The following RAPGEF2 variants were observed in gnomAD, a reference collection of about 807,000 sequenced individuals.
The protein encoded by RAPGEF2 is PDZ domain containing guanine nucleotide exchange factor (GEF) 1.
Under a neutral mutation model 186.7 loss-of-function variants are expected in RAPGEF2, and 54 were observed. The ratio of observed to expected loss-of-function variants is 0.29; its 90% confidence interval spans 0.23 to 0.36. RAPGEF2 has a LOEUF of 0.36. RAPGEF2 is among the 10% of genes least tolerant of loss of function. The pLI is 1.00. For missense variants in RAPGEF2, 1,532 were observed against 2,045.0 expected (o/e 0.75, Z 4.84); for synonymous variants, 712 against 705.9 (o/e 1.01, Z -0.14).
intron 3 of RAPGEF2, among the ~76,000 whole-genome samples, chr4:159,208,756 T>TA (rs907604078): frequency 7.9e-5 from 12 of 152,266 alleles, no homozygotes; most frequent in African/African-American, 2.9e-4. Flanking sequence ...TAAAATAACT[T>TA]ATTCATGGCA....
At chr4:159,337,445 G>A (rs114927349) in intron 17 of RAPGEF2, among the ~76,000 whole-genome samples, 2,330 of 152,184 alleles carry the variant, frequency 0.015, 68 homozygotes, top group African/African-American at 0.053. Context: ...TCATTCTGAT[G>A]CAGAACTATC....
At position 159,359,913 on chromosome 4, in the gene RAPGEF2, G is replaced by T. The variant is rs1339166796; in HGVS notation, c.*1774G>T. Reference sequence around the variant, plus strand: ...AACATAGGACTGCTAATCTCAGTTCGCTCTGTGATGTCAAGTGCAGAATGT... The same window carrying T: ...AACATAGGACTGCTAATCTCAGTTCTCTCTGTGATGTCAAGTGCAGAATGT... On this transcript the variant is annotated 3_prime_UTR_variant, in exon 30 of 30. Coordinates refer to ENST00000691494, the MANE Select transcript of RAPGEF2 (RefSeq NM_001394067.2). The T allele has an allele frequency of 6.6e-6, 1 of 152,140 alleles. No individual in the cohort carries two copies. Among genetic ancestry groups the T allele is most frequent in the African/African-American group, 2.4e-5 (1 of 41,428 alleles). 9.4% of individuals were successfully genotyped at this position (152,140 alleles called of 1,614,324 possible).
chr4:159,347,095 T>C (rs1730429308), intron 25 of RAPGEF2, 97 bp downstream of exon 25: 15 of 1,166,320 alleles, frequency 1.3e-5, no homozygotes, highest in East Asian at 2.4e-5. Context: ...TTGTCTAATA[T>C]ATTTGAGTTT....
At chr4:159,111,031 A>C (rs1247924406) in intron 1 of RAPGEF2, among the ~76,000 whole-genome samples, 3 of 151,884 alleles carry the variant, frequency 2.0e-5, no homozygotes, top group Non-Finnish European at 2.9e-5. Flanking sequence ...AAAAAAAAAA[A>C]CCACCCTTGT....
chr4:159,175,981 G>A (rs543427371), intron 1 of RAPGEF2, among the ~76,000 whole-genome samples: 3 of 152,134 alleles, frequency 2.0e-5, no homozygotes, highest in Non-Finnish European at 2.9e-5. Context: ...TTCTCTGATC[G>A]AGGACATAAA....
rs552737128 is a variant in RAPGEF2, at chr4:159,103,435, A to AGGCGGCGGC, written c.-718_-710dup. The AGGCGGCGGC allele has an allele frequency of 1.9e-5, 3 of 158,914 alleles. No homozygotes were observed. Among genetic ancestry groups the AGGCGGCGGC allele is most frequent in the African/African-American group, 2.4e-5 (1 of 41,230 alleles). 9.8% of individuals were successfully genotyped at this position (158,914 alleles called of 1,614,324 possible). ...CCCACAGCGGCGGCCCGAGCAGCAG[A>AGGCGGCGGC]GGCGGCGGCGGCGGCGGCTGGGCGG... On this transcript the variant is annotated 5_prime_UTR_variant, in exon 1 of 30. Transcript: ENST00000691494.
chr4:159,355,502 C>G (rs1381109413), intron 28 of RAPGEF2, among the ~76,000 whole-genome samples: 2 of 152,116 alleles, frequency 1.3e-5, no homozygotes, highest in African/African-American at 2.4e-5. Flanking sequence ...TTAGGTTCTT[C>G]CTGTGCTTCA....
intron 7 of RAPGEF2, among the ~76,000 whole-genome samples, chr4:159,263,227 A>T (rs1356108771): frequency 3.9e-5 from 6 of 152,160 alleles, no homozygotes; most frequent in Admixed American, 3.9e-4. Flanking sequence ...TTTATCAGAT[A>T]ATCAACTTTT....
rs530678068 is a variant in RAPGEF2 at position 159,261,337 on chromosome 4, C to T, written c.543+17546C>T. Among the ~76,000 whole-genome samples, 773 of 152,214 alleles carry T rather than the reference C, an allele frequency of 5.1e-3. 6 individuals are homozygous for T. The highest frequency in any genetic ancestry group is 0.018 in the African/African-American group (730 of 41,538). ...TTGACCTCCCAAAGTGCTGGGATTA[C>T]GGGCGTGAGCCACCGCATCCAGCTG... is the stretch of plus-strand genomic sequence containing the variant. On this transcript the variant is annotated intron_variant, in intron 7 of 29. Transcript: ENST00000691494.
rs769594153 is a variant in RAPGEF2, at chr4:159,339,199, A to T, written c.2379A>T (p.Glu793Asp). 1 of 1,614,190 alleles carries T rather than the reference A, an allele frequency of 6.2e-7. No individual in the cohort carries two copies. Among genetic ancestry groups the T allele is most frequent in the African/African-American group, 1.3e-5 (1 of 75,064 alleles). ...IMISKDTTAK[E>D]VVIQAIREFA... Reference sequence around the variant, plus strand: ...TCAGTAAGGACACTACAGCAAAGGAAGTGGTCATTCAGGCTATCAGGGAGT... The same window carrying T: ...TCAGTAAGGACACTACAGCAAAGGATGTGGTCATTCAGGCTATCAGGGAGT... Residue 793 changes from glutamate (E) to aspartate (D), a missense_variant, in exon 19 of 30, where the codon GAA (glutamate) becomes GAT (aspartate). Physicochemically the swap from Glu to Asp is conservative, Grantham distance 45. Transcript: ENST00000691494.
intron 7 of RAPGEF2, chr4:159,282,397 C>T: frequency 5.6e-6 from 1 of 179,916 alleles, no homozygotes; most frequent in East Asian, 1.8e-4. Flanking sequence ...CAATTTTTTC[C>T]CACTTATTAA....
At chr4:159,335,835 C>CAA (rs778302629) in intron 17 of RAPGEF2, among the ~76,000 whole-genome samples, 817 of 46,736 alleles carry the variant, frequency 0.017, 16 homozygotes, top group African/African-American at 0.036. Flanking sequence ...GACTCCGTCT[C>CAA]AAAAAAAAAA....
At chr4:159,194,912 A>G (rs991040940) in intron 3 of RAPGEF2, among the ~76,000 whole-genome samples, 4 of 152,200 alleles carry the variant, frequency 2.6e-5, no homozygotes, top group African/African-American at 9.7e-5. Flanking sequence ...GTGTCTGGAC[A>G]AAGAGATCAG....
intron 3 of RAPGEF2, among the ~76,000 whole-genome samples, chr4:159,202,807 G>T (rs1749588414): frequency 1.3e-5 from 2 of 152,158 alleles, no homozygotes; most frequent in African/African-American, 4.8e-5. Context: ...TCACCATGTT[G>T]GCCAGGTAGA....
Position 159,336,316 on chromosome 4 carries a change from G to C in RAPGEF2, c.2136-1995G>C, listed in dbSNP as rs1443313801. ...AATGTGTAACTTTGTTTAATCCCTGGCCCTAACCTCACCCTTCCCCTTCTG... is the reference window on the plus strand; with the variant it reads ...AATGTGTAACTTTGTTTAATCCCTGCCCCTAACCTCACCCTTCCCCTTCTG... On this transcript the variant is annotated intron_variant, in intron 17 of 29. Transcript: ENST00000691494. Among the ~76,000 whole-genome samples the C allele has an allele frequency of 2.0e-5, 3 of 151,914 alleles. No homozygotes were observed. The East Asian group carries it at 5.8e-4, about 29-fold the overall frequency.
intron 1 of RAPGEF2, among the ~76,000 whole-genome samples, chr4:159,178,548 A>G (rs1160606821): frequency 9.2e-6 from 1 of 108,840 alleles, no homozygotes; most frequent in Non-Finnish European, 1.8e-5. Context: ...AGCATGTATT[A>G]TGCTTTTTTT....
chr4:159,152,600 CCT>C (rs1422394857), intron 1 of RAPGEF2, among the ~76,000 whole-genome samples: 1 of 152,028 alleles, frequency 6.6e-6, no homozygotes, highest in Non-Finnish European at 1.5e-5. Flanking sequence ...CTGAGTTTCC[CCT>C]GTTAAAAACT....
chr4:159,143,109 C>T (rs1176981388), intron 1 of RAPGEF2, among the ~76,000 whole-genome samples: 2 of 152,054 alleles, frequency 1.3e-5, no homozygotes, highest in Admixed American at 1.3e-4. Context: ...TGGTGGCATG[C>T]ACCTGTAGTC....
chr4:159,295,710 AGAGTGTGT>A (rs1438796142), intron 7 of RAPGEF2, among the ~76,000 whole-genome samples: 9 of 117,106 alleles, frequency 7.7e-5, no homozygotes, highest in Non-Finnish European at 1.5e-4. Flanking sequence ...TAAGAGAGAG[AGAGTGTGT>A]GAGTGTGTGT....
Sources: gnomAD v4.1 joint callset for allele counts (sites outside exome capture counted in the v4.1 genomes callset) on GRCh38, gnomAD v4.1.1 for gene constraint, MANE v1.5 for transcripts, NCBI Gene and HGNC (gene_info 2026-07-23, HGNC 2026-07-21) for gene names.